FNBP1: variants seen among roughly 807,000 people sequenced by gnomAD.
FNBP1 encodes the protein formin binding protein 1.
Under a neutral mutation model 90.6 loss-of-function variants are expected in FNBP1, and 26 were observed. The ratio of observed to expected loss-of-function variants is 0.29; its 90% CI spans 0.21 to 0.40. FNBP1 has a LOEUF of 0.40. Ranked by LOEUF, FNBP1 falls within the 10% of genes least tolerant of loss-of-function variation. The pLI is 1.00. For missense variants in FNBP1, 635 were observed against 768.0 expected, an observed-to-expected ratio of 0.83 and a Z score of 2.05; for synonymous variants, 260 against 265.2, an observed-to-expected ratio of 0.98 and a Z score of 0.19.
rs749884485 is a variant in FNBP1 at position 129,890,587 on chromosome 9, G to C, written c.1847-41C>G. 9 of 1,544,922 alleles carry C rather than the reference G, an allele frequency of 5.8e-6. No individual in the cohort carries two copies. In the African/African-American group the frequency reaches 1.2e-4, roughly 21 times the overall value. On this transcript the variant is annotated intron_variant, in intron 16 of 16. Transcript: ENST00000446176. This position sits in a 1 kb window ranked among gnomAD's most constrained non-coding sequence, Gnocchi z 5.8. ...AAACAGAAAGAGAAACTCTCTGTTAGAGAGGAAGGCGCGGGTTCCAGGCGG... is the reference window on the plus strand; with the variant it reads ...AAACAGAAAGAGAAACTCTCTGTTACAGAGGAAGGCGCGGGTTCCAGGCGG...
intron 4 of FNBP1, among the ~76,000 whole-genome samples, chr9:129,970,093 G>C (rs903895388): frequency 6.6e-6 from 1 of 150,930 alleles, no homozygotes; most frequent in Admixed American, 6.6e-5. Flanking sequence ...TTTTAGTAGA[G>C]ACAGGGTTTC....
At position 129,890,637 on chromosome 9, in the gene FNBP1, G is replaced by T; in HGVS notation, c.1847-91C>A. 3.5e-6 allele frequency: 2 copies of T among 574,194 alleles called. No individual in the cohort carries two copies. Among genetic ancestry groups the T allele is most frequent in the Non-Finnish European group, 6.1e-6 (2 of 328,288 alleles). 35.6% of individuals were successfully genotyped at this position (574,194 alleles called of 1,614,324 possible). A position where few individuals can be genotyped will look rare whatever the true frequency, so the allele number is the denominator to read the frequency against. ...GGCATTTTGCTCTTGGCTACAAACT[G>T]CACCGCCCTGGGAGGGGAGGGTAGT... On this transcript the variant is annotated intron_variant, in intron 16 of 16. Transcript: ENST00000446176. The surrounding 1 kb of genome is among the most constrained non-coding windows in gnomAD (Gnocchi z 5.8).
intron 4 of FNBP1, among the ~76,000 whole-genome samples, chr9:129,974,155 A>G (rs563289627): frequency 6.6e-6 from 1 of 151,546 alleles, no homozygotes; most frequent in East Asian, 2.0e-4. Flanking sequence ...GCTGCAGATG[A>G]GGATGTTCAT....
At chr9:130,037,882 A>G (rs2059463393) in intron 1 of FNBP1, among the ~76,000 whole-genome samples, 1 of 152,228 alleles carries the variant, frequency 6.6e-6, no homozygotes, top group Non-Finnish European at 1.5e-5. Flanking sequence ...TTATTCATTT[A>G]TCCAATAAAT....
At chr9:129,941,347 T>C (rs1369363602) in intron 6 of FNBP1, among the ~76,000 whole-genome samples, 1 of 152,024 alleles carries the variant, frequency 6.6e-6, no homozygotes. Flanking sequence ...CAAGACTGCG[T>C]CATTGCACTC....
At chr9:129,911,034 TG>T (rs374251597) in intron 11 of FNBP1, among the ~76,000 whole-genome samples, 35 of 152,294 alleles carry the variant, frequency 2.3e-4, no homozygotes, top group African/African-American at 8.4e-4. Flanking sequence ...ATTTGAAAAC[TG>T]GATTATTCTG....
chr9:129,939,438 T>C (rs2044003241), intron 6 of FNBP1, among the ~76,000 whole-genome samples: 1 of 152,110 alleles, frequency 6.6e-6, no homozygotes, highest in African/African-American at 2.4e-5. Context: ...TTCAGTAATA[T>C]ACTGTCAATG....
intron 1 of FNBP1, among the ~76,000 whole-genome samples, chr9:130,000,137 C>T (rs1288711580): frequency 5.9e-5 from 9 of 152,202 alleles, no homozygotes; most frequent in Admixed American, 2.6e-4. Flanking sequence ...GTCCACCTTA[C>T]ATTTTGAATG....
chr9:129,956,728 G>A (rs1000974630), intron 6 of FNBP1, among the ~76,000 whole-genome samples: 9 of 152,032 alleles, frequency 5.9e-5, no homozygotes, highest in African/African-American at 1.9e-4. Context: ...TGTCTCCTCC[G>A]GCTCTCAAGA....
At position 129,909,160 on chromosome 9, in the gene FNBP1, C is replaced by T. The variant is rs1026725408; in HGVS notation, c.1186-161G>A. On this transcript the variant is annotated intron_variant, in intron 11 of 16. Transcript: ENST00000446176. The stretch of plus-strand genomic sequence containing the variant: ...CTACACCCAGCCGAGATGCAAAAAT[C>T]AATGCATGCAAACTGCATAAGTCCC... The T allele has an allele frequency of 1.3e-4, 83 of 662,202 alleles. 1 individual carries two copies. The highest frequency in any genetic ancestry group is 1.9e-4 in the Non-Finnish European group (71 of 366,652). 41.0% of individuals were successfully genotyped at this position (662,202 alleles called of 1,614,324 possible). A position where few individuals can be genotyped will look rare whatever the true frequency, so the allele number is the denominator to read the frequency against.
intron 2 of FNBP1, among the ~76,000 whole-genome samples, chr9:129,986,587 C>T (rs903436278): frequency 1.7e-4 from 26 of 151,790 alleles, no homozygotes; most frequent in African/African-American, 5.8e-4. Flanking sequence ...GTCAAGAGAT[C>T]GAGACCATCC....
At chr9:130,014,588 G>A (rs2057028415) in intron 1 of FNBP1, among the ~76,000 whole-genome samples, 1 of 151,988 alleles carries the variant, frequency 6.6e-6, no homozygotes, top group South Asian at 2.1e-4. Context: ...GCATGTACAT[G>A]GATGTGCATT....
the FNBP1 span, among the ~76,000 whole-genome samples, chr9:130,048,235 G>A: frequency 2.1e-5 from 3 of 142,838 alleles, no homozygotes; most frequent in East Asian, 6.7e-4. Flanking sequence ...AGAATCGCTT[G>A]AACCCAGGAG....
At chr9:129,961,684 A>T (rs747296794) in intron 4 of FNBP1, among the ~76,000 whole-genome samples, 7 of 151,944 alleles carry the variant, frequency 4.6e-5, no homozygotes, top group Non-Finnish European at 1.0e-4. Context: ...TCCCGGGTTC[A>T]AGTGATTCTC....
chr9:130,019,004 C>T (rs553499576), intron 1 of FNBP1, among the ~76,000 whole-genome samples: 29 of 152,204 alleles, frequency 1.9e-4, no homozygotes, highest in Admixed American at 1.6e-3. Context: ...GCAAGTGGAT[C>T]GCCTGAGCTC....
Position 129,926,843 on chromosome 9 carries a change from G to A in FNBP1, c.789+352C>T, listed in dbSNP as rs188790670. ...GGAGGTTGCAGTGACCCAAGATCAC[G>A]CCACTGCACTGCAGCCTGGGCAACA... On this transcript the variant is annotated intron_variant, in intron 8 of 16. Coordinates refer to ENST00000446176, the MANE Select transcript of FNBP1 (RefSeq NM_015033.3). Among the ~76,000 whole-genome samples, 31 of 150,108 alleles carry A rather than the reference G, an allele frequency of 2.1e-4. No individual in the cohort carries two copies. In the East Asian group the frequency reaches 5.7e-3, roughly 28 times the overall value.
At chr9:130,010,347 T>C (rs1159446836) in intron 1 of FNBP1, among the ~76,000 whole-genome samples, 1 of 152,166 alleles carries the variant, frequency 6.6e-6, no homozygotes, top group Admixed American at 6.6e-5. Flanking sequence ...CATGTGACAT[T>C]ACCCTGGCTA....
At chr9:129,893,612 C>CAAAAAA (rs1216398298) in intron 16 of FNBP1, among the ~76,000 whole-genome samples, 1 of 22,314 alleles carries the variant, frequency 4.5e-5, no homozygotes, top group African/African-American at 1.7e-4. Context: ...GACTCTGTCT[C>CAAAAAA]AAAAAAAAAA....
Position 129,978,479 on chromosome 9 carries a change from G to A in FNBP1, c.331C>T (p.Gln111Ter). 1 of 1,613,370 alleles carries A rather than the reference G, an allele frequency of 6.2e-7. No homozygotes were observed. The change falls in exon 4 of 17, where the codon CAG becomes TAG. Residue 111 changes from glutamine (Q) to a stop codon, truncating the protein, a stop_gained. Transcript: ENST00000446176. LOFTEE classifies it high-confidence loss of function. ...DLARYVQELK[Q>*]ERKSNFHDGR... ...GTTTTGCTTACTGATTTCCTCTCCT[G>A]TTTCAGTTCCTGAACATAGCGTGCC...
Sources: allele counts gnomAD v4.1 joint callset (sites outside exome capture counted in the v4.1 genomes callset), GRCh38; gene constraint gnomAD v4.1.1; non-coding constraint Gnocchi (gnomAD v3.1); transcripts MANE v1.5; gene names NCBI Gene and HGNC (gene_info 2026-07-23, HGNC 2026-07-21).